Variants in ADGRL3 observed in about 807,000 individuals in gnomAD.
ADGRL3 encodes adhesion G protein-coupled receptor L3.
Under a neutral mutation model 153.5 loss-of-function variants are expected in ADGRL3, and 62 were observed. That is an observed-to-expected ratio of 0.40 (90% CI 0.33 to 0.50). ADGRL3 has a LOEUF of 0.50. ADGRL3 is among the 20% of genes least tolerant of loss of function. The pLI is 0.47. For synonymous variants in ADGRL3, 710 were observed against 672.5 expected, an observed-to-expected ratio of 1.06 and a Z score of -0.86; for missense variants, 1,641 against 1,859.4, an observed-to-expected ratio of 0.88 and a Z score of 2.16.
At chr4:61,680,461 T>C (rs1304860823) in intron 6 of ADGRL3, among the ~76,000 whole-genome samples, 1 of 150,590 alleles carries the variant, frequency 6.6e-6, no homozygotes, top group Non-Finnish European at 1.5e-5. Context: ...TCCATGGCAA[T>C]ATTCATTTTT....
At chr4:61,413,372 C>T (rs958015731) in intron 2 of ADGRL3, among the ~76,000 whole-genome samples, 2 of 152,034 alleles carry the variant, frequency 1.3e-5, no homozygotes, top group Non-Finnish European at 2.9e-5. Context: ...GAAACGGGTG[C>T]TCTTTACTGA....
At chr4:61,730,719 T>G in intron 7 of ADGRL3, 83 bp downstream of exon 7, 1 of 334,104 alleles carries the variant, frequency 3.0e-6, no homozygotes, top group Non-Finnish European at 5.5e-6. Flanking sequence ...AATAATTTTG[T>G]TATTAATTCT....
intron 3 of ADGRL3, among the ~76,000 whole-genome samples, chr4:61,506,452 C>T (rs1286440393): frequency 1.3e-5 from 2 of 152,108 alleles, no homozygotes; most frequent in East Asian, 3.9e-4. Flanking sequence ...TTTGTACACA[C>T]ATCCCATCAT....
At chr4:61,531,095 G>A (rs1243554739) in intron 4 of ADGRL3, among the ~76,000 whole-genome samples, 1 of 152,146 alleles carries the variant, frequency 6.6e-6, no homozygotes, top group Non-Finnish European at 1.5e-5. Context: ...TACCACCTAT[G>A]AAAGAATGAA....
At chr4:61,631,927 G>A (rs887266991) in intron 5 of ADGRL3, among the ~76,000 whole-genome samples, 5 of 151,918 alleles carry the variant, frequency 3.3e-5, no homozygotes, top group South Asian at 4.2e-4. Context: ...ACACCTGGCC[G>A]CTGAATATAA....
At chr4:61,369,544 G>C (rs571959783) in intron 1 of ADGRL3, among the ~76,000 whole-genome samples, 1 of 151,984 alleles carries the variant, frequency 6.6e-6, no homozygotes, top group South Asian at 2.1e-4. Context: ...ATTGATTTGC[G>C]TATATTGAGC....
chr4:61,544,746 C>A (rs1048644824), intron 4 of ADGRL3, among the ~76,000 whole-genome samples: 11 of 152,106 alleles, frequency 7.2e-5, no homozygotes, highest in Non-Finnish European at 1.5e-5. Context: ...ATGTTTTCAA[C>A]ATACATTACC....
chr4:61,891,633 A>G (rs979078661), intron 9 of ADGRL3, among the ~76,000 whole-genome samples: 3 of 152,156 alleles, frequency 2.0e-5, no homozygotes, highest in African/African-American at 4.8e-5. Context: ...TAGAAAATGA[A>G]TTACAAACAG....
intron 5 of ADGRL3, among the ~76,000 whole-genome samples, chr4:61,634,775 T>C (rs368465369): frequency 1.3e-5 from 2 of 152,106 alleles, no homozygotes; most frequent in African/African-American, 4.8e-5. Flanking sequence ...AAATAAAATA[T>C]TTTAGCTCAT....
At chr4:61,578,568 G>T (rs900990182) in intron 4 of ADGRL3, among the ~76,000 whole-genome samples, 3 of 151,630 alleles carry the variant, frequency 2.0e-5, no homozygotes, top group African/African-American at 7.3e-5. Context: ...TAACTAATTT[G>T]AGCTATATTC....
chr4:61,610,797 CTTT>C (rs11396203), intron 5 of ADGRL3, among the ~76,000 whole-genome samples: 2 of 150,818 alleles, frequency 1.3e-5, no homozygotes, highest in South Asian at 2.1e-4. Context: ...AAAAGGAAAT[CTTT>C]TTTTTTCTTT....
intron 5 of ADGRL3, among the ~76,000 whole-genome samples, chr4:61,602,961 A>G (rs931960456): frequency 3.3e-5 from 5 of 152,198 alleles, no homozygotes; most frequent in Admixed American, 1.3e-4. Flanking sequence ...GTAGCATATC[A>G]TATCACCTAC....
intron 8 of ADGRL3, among the ~76,000 whole-genome samples, chr4:61,785,765 T>C (rs1044553890): frequency 3.3e-5 from 5 of 152,248 alleles, no homozygotes; most frequent in African/African-American, 1.2e-4. Context: ...TTTATCCTTT[T>C]TATAGAGCTT....
intron 2 of ADGRL3, among the ~76,000 whole-genome samples, chr4:61,468,463 C>A (rs1287306889): frequency 6.6e-6 from 1 of 152,066 alleles, no homozygotes; most frequent in Non-Finnish European, 1.5e-5. Context: ...CTCTAAAAGT[C>A]TTTTTCTGAG....
At chr4:61,224,108 C>T (rs545190004) in intron 1 of ADGRL3, among the ~76,000 whole-genome samples, 5 of 151,904 alleles carry the variant, frequency 3.3e-5, no homozygotes, top group Admixed American at 3.3e-4. Context: ...AAATAATCTT[C>T]GTGTATACTG....
chr4:61,677,410 T>A, intron 6 of ADGRL3: 1 of 417,124 alleles, frequency 2.4e-6, no homozygotes, highest in South Asian at 1.8e-5. Flanking sequence ...AAAGAAAAAA[T>A]AAAGATTAAA....
chr4:61,472,124 T>C (rs2097964207), intron 2 of ADGRL3, among the ~76,000 whole-genome samples: 1 of 152,048 alleles, frequency 6.6e-6, no homozygotes, highest in South Asian at 2.1e-4. Context: ...CACTGATTAA[T>C]AGGAAAACAT....
intron 4 of ADGRL3, among the ~76,000 whole-genome samples, chr4:61,550,767 T>TCATTGA (rs2098736654): frequency 6.6e-6 from 1 of 152,014 alleles, no homozygotes; most frequent in Admixed American, 6.6e-5. Context: ...GCTAACAGTA[T>TCATTGA]TCTTATTTGT....
At chr4:62,006,032 A>AT (rs1553908051) in intron 21 of ADGRL3, among the ~76,000 whole-genome samples, 6,143 of 72,914 alleles carry the variant, frequency 0.084, 493 homozygotes, top group Middle Eastern at 0.17. Flanking sequence ...ATATATATAT[A>AT]TTTTTTTTTT....
Sources: allele counts gnomAD v4.1 joint callset (sites outside exome capture counted in the v4.1 genomes callset), GRCh38; gene constraint gnomAD v4.1.1; transcripts MANE v1.5; gene names NCBI Gene and HGNC (gene_info 2026-07-23, HGNC 2026-07-21).